ARHGAP15: variants seen among roughly 807,000 people sequenced by gnomAD.
ARHGAP15 encodes rho GTPase-activating protein 15.
ARHGAP15 carries 51 observed loss-of-function variants against 63.7 expected under a neutral mutation model. That is an observed-to-expected ratio of 0.80 (90% CI 0.64 to 1.01). The LOEUF (loss-of-function observed/expected upper bound fraction) is 1.01, where lower values mean the gene tolerates loss of function less well. Ranked by LOEUF, ARHGAP15 falls within the 50% of genes least tolerant of loss-of-function variation. The pLI is 0.00. For synonymous variants in ARHGAP15, 191 were observed against 193.8 expected (o/e 0.99, Z 0.12); for missense variants, 560 against 564.6 (o/e 0.99, Z 0.08).
intron 1 of ARHGAP15, among the ~76,000 whole-genome samples, chr2:143,152,938 T>C (rs1280809392): frequency 6.6e-6 from 1 of 151,892 alleles, no homozygotes; most frequent in African/African-American, 2.4e-5. Flanking sequence ...GATGGAAAGA[T>C]CTAAGAAAGC....
chr2:143,646,865 G>A (rs1015451048), intron 12 of ARHGAP15, among the ~76,000 whole-genome samples: 1 of 151,918 alleles, frequency 6.6e-6, no homozygotes, highest in Admixed American at 6.6e-5. Flanking sequence ...CAAATAAGAC[G>A]TGTTTAATTT....
chr2:143,182,360 G>A (rs929408938), intron 2 of ARHGAP15, among the ~76,000 whole-genome samples: 2 of 152,166 alleles, frequency 1.3e-5, no homozygotes, highest in Admixed American at 6.5e-5. Context: ...GAGGGAAAGA[G>A]ACAGGGGAAC....
intron 13 of ARHGAP15, among the ~76,000 whole-genome samples, chr2:143,714,402 G>A (rs1029249372): frequency 6.6e-6 from 1 of 152,206 alleles, no homozygotes; most frequent in African/African-American, 2.4e-5. Context: ...GGGCCTCTGG[G>A]CCTGTGATGG....
chr2:143,221,785 T>C (rs984446683), intron 4 of ARHGAP15, among the ~76,000 whole-genome samples: 34 of 152,236 alleles, frequency 2.2e-4, no homozygotes, highest in African/African-American at 7.9e-4. Flanking sequence ...CATAGAAAGA[T>C]ATACTTGGGG....
At chr2:143,333,105 TAAA>T (rs924404080) in intron 6 of ARHGAP15, among the ~76,000 whole-genome samples, 5 of 152,112 alleles carry the variant, frequency 3.3e-5, no homozygotes, top group Non-Finnish European at 7.4e-5. Context: ...ACGAGCAGTT[TAAA>T]AAATAAAATT....
chr2:143,323,648 G>T (rs1684119584), intron 6 of ARHGAP15, among the ~76,000 whole-genome samples: 1 of 152,046 alleles, frequency 6.6e-6, no homozygotes, highest in South Asian at 2.1e-4. Flanking sequence ...TGTAATCCCA[G>T]CACTGTGGGA....
At chr2:143,703,714 C>T (rs1684197188) in intron 13 of ARHGAP15, 190 bp downstream of exon 13, 1 of 480,232 alleles carries the variant, frequency 2.1e-6, no homozygotes, top group Non-Finnish European at 3.6e-6. Flanking sequence ...ACAAAAGGAA[C>T]TTCTGAAATA....
At chr2:143,548,126 A>C (rs1695408355) in intron 10 of ARHGAP15, among the ~76,000 whole-genome samples, 1 of 152,160 alleles carries the variant, frequency 6.6e-6, no homozygotes, top group Non-Finnish European at 1.5e-5. Context: ...AGAGCTCAGG[A>C]CTGGGCAGAA....
chr2:143,677,941 C>T (rs1682907307), intron 12 of ARHGAP15, among the ~76,000 whole-genome samples: 1 of 152,188 alleles, frequency 6.6e-6, no homozygotes, highest in Non-Finnish European at 1.5e-5. Context: ...GGTGCGGTAG[C>T]TCATGCCTGT....
At chr2:143,384,900 A>G (rs1313729645) in intron 6 of ARHGAP15, among the ~76,000 whole-genome samples, 1 of 152,188 alleles carries the variant, frequency 6.6e-6, no homozygotes, top group Non-Finnish European at 1.5e-5. Context: ...TTCAGAGAAA[A>G]AAACTTTTCC....
chr2:143,342,625 T>A (rs1344199735), intron 6 of ARHGAP15, among the ~76,000 whole-genome samples: 3 of 152,184 alleles, frequency 2.0e-5, no homozygotes, highest in Middle Eastern at 3.4e-3. Flanking sequence ...AAATAAATTA[T>A]AACATCCCAC....
intron 6 of ARHGAP15, among the ~76,000 whole-genome samples, chr2:143,326,779 A>AT (rs1684271518): frequency 6.6e-6 from 1 of 152,196 alleles, no homozygotes; most frequent in Non-Finnish European, 1.5e-5. Context: ...AATAAGAGCT[A>AT]TTTATGACAA....
intron 12 of ARHGAP15, among the ~76,000 whole-genome samples, chr2:143,635,194 C>CTTTTTTTTTTTTTTT (rs10558886): frequency 3.7e-5 from 1 of 26,882 alleles, no homozygotes; most frequent in Non-Finnish European, 6.1e-5. Flanking sequence ...CTCTCAGGAG[C>CTTTTTTTTTTTTTTT]TTTTTTTTTT....
At chr2:143,719,039 C>A (rs536338222) in intron 13 of ARHGAP15, among the ~76,000 whole-genome samples, 6 of 152,176 alleles carry the variant, frequency 3.9e-5, no homozygotes, top group Non-Finnish European at 5.9e-5. Context: ...ACTAAGTAAA[C>A]CCCTTCTCTT....
chr2:143,389,106 C>CATT (rs10548238), intron 6 of ARHGAP15, among the ~76,000 whole-genome samples: 3,872 of 146,034 alleles, frequency 0.027, 135 homozygotes, highest in East Asian at 0.19. Flanking sequence ...TTTACTCAGA[C>CATT]ATTATTATTA....
intron 13 of ARHGAP15, among the ~76,000 whole-genome samples, chr2:143,762,353 A>G (rs1468663446): frequency 1.3e-5 from 2 of 152,166 alleles, no homozygotes; most frequent in African/African-American, 4.8e-5. Flanking sequence ...TTGTCATAAA[A>G]GGGGAGTTTC....
chr2:143,582,763 T>A (rs1054986167), intron 11 of ARHGAP15, among the ~76,000 whole-genome samples: 12 of 152,230 alleles, frequency 7.9e-5, no homozygotes, highest in Admixed American at 5.2e-4. Flanking sequence ...GCATCTCTCT[T>A]TCCCCAAAGA....
At chr2:143,612,054 G>A (rs546212579) in intron 11 of ARHGAP15, among the ~76,000 whole-genome samples, 14 of 151,926 alleles carry the variant, frequency 9.2e-5, no homozygotes, top group East Asian at 1.9e-4. Context: ...ATTTATCTTC[G>A]TGAAATACAG....
At chr2:143,355,117 T>C (rs1015466014) in intron 6 of ARHGAP15, among the ~76,000 whole-genome samples, 1 of 152,176 alleles carries the variant, frequency 6.6e-6, no homozygotes, top group African/African-American at 2.4e-5. Context: ...GCTTAAGTAA[T>C]CTGAAAATAA....
Sources: allele counts gnomAD v4.1 joint callset (sites outside exome capture counted in the v4.1 genomes callset), GRCh38; gene constraint gnomAD v4.1.1; transcripts MANE v1.5; gene names NCBI Gene and HGNC (gene_info 2026-07-23, HGNC 2026-07-21).